DENND1B: variants seen among roughly 807,000 people sequenced by gnomAD.
DENND1B encodes the protein DENN domain-containing protein 1B.
A neutral mutation model predicts 90.1 loss-of-function variants in DENND1B; 59 were observed. That is an observed-to-expected ratio of 0.65 (90% CI 0.53 to 0.81). The LOEUF (loss-of-function observed/expected upper bound fraction) is 0.81. Ranked by LOEUF, DENND1B falls within the 40% of genes least tolerant of loss-of-function variation. The pLI is 0.00. For missense variants in DENND1B, 862 were observed against 912.6 expected (o/e 0.94, Z 0.71); for synonymous variants, 337 against 324.6 (o/e 1.04, Z -0.41).
chr1:197,707,431 C>T (rs967398985), intron 3 of DENND1B, among the ~76,000 whole-genome samples: 1 of 151,210 alleles, frequency 6.6e-6, no homozygotes, highest in Non-Finnish European at 1.5e-5. Flanking sequence ...TTGAATAATC[C>T]CAGTGAAAGA....
At chr1:197,667,535 T>C (rs908144192) in intron 5 of DENND1B, among the ~76,000 whole-genome samples, 2 of 152,140 alleles carry the variant, frequency 1.3e-5, no homozygotes, top group African/African-American at 4.8e-5. Context: ...GTTCAAGCGA[T>C]TCTCCTGCCT....
chr1:197,768,759 G>T lies in DENND1B; in HGVS notation c.82+4109C>A, dbSNP rs74761417. Among the ~76,000 whole-genome samples the T allele has an allele frequency of 2.4e-3, 372 of 151,956 alleles. 3 individuals carry two copies. Among genetic ancestry groups the T allele is most frequent in the African/African-American group, 8.5e-3 (352 of 41,436 alleles). On this transcript the variant is annotated intron_variant, in intron 2 of 22. Coordinates refer to ENST00000620048, the MANE Select transcript of DENND1B (RefSeq NM_001195215.2). The stretch of plus-strand genomic sequence containing the variant: ...TACTAACACATAGGGGACACTATAG[G>T]GAAATACTACCAACCCCTCTTATGG...
intron 2 of DENND1B, among the ~76,000 whole-genome samples, chr1:197,726,596 A>G (rs1244663940): frequency 6.6e-6 from 1 of 152,216 alleles, no homozygotes; most frequent in Non-Finnish European, 1.5e-5. Flanking sequence ...AGTGATATGG[A>G]AATAATCGCA....
At chr1:197,772,295 G>T in intron 2 of DENND1B, among the ~76,000 whole-genome samples, 1 of 152,140 alleles carries the variant, frequency 6.6e-6, no homozygotes, top group East Asian at 1.9e-4. Flanking sequence ...GAATGGTGAA[G>T]CTGAGTTGTA....
intron 19 of DENND1B, 146 bp downstream of exon 19, chr1:197,540,813 A>G: frequency 1.5e-6 from 1 of 656,748 alleles, no homozygotes; most frequent in Non-Finnish European, 2.6e-6. Flanking sequence ...TAGTTGCCAG[A>G]GGGCTTGTTA....
intron 8 of DENND1B, 27 bp from the exon 9 acceptor site, chr1:197,645,770 G>A (rs1192106011): frequency 1.4e-6 from 2 of 1,462,448 alleles, no homozygotes; most frequent in South Asian, 2.8e-5. Flanking sequence ...AATCACATAT[G>A]AAAAAGATAA....
At chr1:197,668,187 C>G (rs1003947662) in intron 5 of DENND1B, among the ~76,000 whole-genome samples, 3 of 152,014 alleles carry the variant, frequency 2.0e-5, no homozygotes, top group African/African-American at 7.2e-5. Context: ...AACAATTTCT[C>G]TAAGTCAGGG....
intron 9 of DENND1B, among the ~76,000 whole-genome samples, chr1:197,645,425 C>G (rs1680643819): frequency 6.6e-6 from 1 of 151,930 alleles, no homozygotes; most frequent in South Asian, 2.1e-4. Flanking sequence ...TACCTAATTA[C>G]TACAAATGAT....
chr1:197,661,789 A>G (rs901004686), intron 5 of DENND1B, among the ~76,000 whole-genome samples: 4 of 151,992 alleles, frequency 2.6e-5, no homozygotes, highest in Admixed American at 2.0e-4. Flanking sequence ...TGAACTTTAT[A>G]TTATTGTTTT....
chr1:197,574,215 C>T lies in DENND1B; in HGVS notation c.1149+8937G>A, dbSNP rs538832875. Among the ~76,000 whole-genome samples, 655 of 152,278 alleles carry T rather than the reference C, an allele frequency of 4.3e-3. 4 individuals carry two copies. The highest frequency in any genetic ancestry group is 6.1e-3 in the Non-Finnish European group (414 of 68,016). ...CCCCATCATCTCAGCCCAAAATCTC[C>T]TTAAGCTGATAAGCAACTTCAGCAA... On this transcript the variant is annotated intron_variant, in intron 15 of 22. Coordinates refer to ENST00000620048, the MANE Select transcript of DENND1B (RefSeq NM_001195215.2).
chr1:197,614,597 T>C (rs1677473495), intron 11 of DENND1B, among the ~76,000 whole-genome samples: 1 of 150,964 alleles, frequency 6.6e-6, no homozygotes, highest in Admixed American at 6.6e-5. Flanking sequence ...GAAGCCTCCA[T>C]ATGATTGCTG....
intron 2 of DENND1B, among the ~76,000 whole-genome samples, chr1:197,740,616 C>G (rs1663127095): frequency 6.6e-6 from 1 of 151,976 alleles, no homozygotes; most frequent in South Asian, 2.1e-4. Flanking sequence ...AAGAACTAAA[C>G]AATAATACAA....
intron 15 of DENND1B, among the ~76,000 whole-genome samples, chr1:197,574,305 T>A (rs1478655620): frequency 6.6e-6 from 1 of 151,954 alleles, no homozygotes; most frequent in African/African-American, 2.4e-5. Context: ...TAACAGACAA[T>A]CGGAGAGCCA....
intron 3 of DENND1B, among the ~76,000 whole-genome samples, chr1:197,704,550 C>T (rs535498038): frequency 7.9e-5 from 12 of 152,044 alleles, no homozygotes; most frequent in Non-Finnish European, 1.6e-4. Flanking sequence ...AAACCCTCCA[C>T]TGTATCAAAA....
chr1:197,579,366 C>A (rs1453678809), intron 15 of DENND1B, among the ~76,000 whole-genome samples: 5 of 152,116 alleles, frequency 3.3e-5, no homozygotes, highest in African/African-American at 1.2e-4. Context: ...CTTCTAGATT[C>A]CATTGTTGCT....
At position 197,770,251 on chromosome 1, in the gene DENND1B, T is replaced by G. The variant is rs923695853; in HGVS notation, c.82+2617A>C. Reference sequence around the variant, plus strand: ...TTATTTACTTTAACCATTTATCATATTTACAACTTTACCAGGCTAGATATA... The same window carrying G: ...TTATTTACTTTAACCATTTATCATAGTTACAACTTTACCAGGCTAGATATA... On this transcript the variant is annotated intron_variant, in intron 2 of 22. Coordinates refer to ENST00000620048, the MANE Select transcript of DENND1B (RefSeq NM_001195215.2). Among the ~76,000 whole-genome samples the G allele has an allele frequency of 2.3e-4, 34 of 150,932 alleles. 1 individual carries two copies. The highest frequency in any genetic ancestry group is 1.0e-4 in the Non-Finnish European group (7 of 67,082).
rs1667737231 is a variant in DENND1B, at chr1:197,506,496, T to A, written c.*3964A>T. On this transcript the variant is annotated 3_prime_UTR_variant, in exon 23 of 23. Coordinates refer to ENST00000620048, the MANE Select transcript of DENND1B (RefSeq NM_001195215.2). ...ATCTTAAGATTCAGGGTCTTTTATG[T>A]CAAACAAAATGGAATTTGTATAAGA... is the stretch of plus-strand genomic sequence containing the variant. 6.6e-6 allele frequency: 1 copy of A among 151,580 alleles called. No homozygotes were observed. Among genetic ancestry groups the A allele is most frequent in the Admixed American group, 6.6e-5 (1 of 15,172 alleles). 9.4% of individuals were successfully genotyped at this position (151,580 alleles called of 1,614,324 possible). A position where few individuals can be genotyped will look rare whatever the true frequency, so the allele number is the denominator to read the frequency against.
chr1:197,614,208 CTTGAAACT>C (rs1260681043), intron 11 of DENND1B, among the ~76,000 whole-genome samples: 1 of 150,908 alleles, frequency 6.6e-6, no homozygotes, highest in Admixed American at 6.6e-5. Flanking sequence ...CATATAATAA[CTTGAAACT>C]TTTAAAATGG....
At chr1:197,746,910 CTCGAGTAGCTAGCTGGT>C in intron 2 of DENND1B, 1 of 1,592,998 alleles carries the variant, frequency 6.3e-7, no homozygotes, top group Non-Finnish European at 8.6e-7. Context: ...ACACCAAGCT[CTCGAGTAGCTAGCTGGT>C]TTTTCTGAGT....
Sources: gnomAD v4.1 joint callset for allele counts (sites outside exome capture counted in the v4.1 genomes callset) on GRCh38, gnomAD v4.1.1 for gene constraint, MANE v1.5 for transcripts, NCBI Gene and HGNC (gene_info 2026-07-23, HGNC 2026-07-21) for gene names.